CABIN1: variants seen among roughly 807,000 people sequenced by gnomAD.
CABIN1 encodes the protein calcineurin-binding protein cabin-1.
In CABIN1, 133 loss-of-function variants were observed where a neutral mutation model predicts 227.7. The observed-to-expected ratio is 0.58, with a 90% CI of 0.51 to 0.67. The LOEUF is 0.67. Ranked by LOEUF, CABIN1 falls within the 30% of genes least tolerant of loss-of-function variation. CABIN1 has a pLI of 0.00. For synonymous variants in CABIN1, 1,086 were observed against 1,155.1 expected (o/e 0.94, Z 1.21); for missense variants, 2,408 against 2,852.5 (o/e 0.84, Z 3.55).
rs147735820 is a variant in CABIN1, at chr22:24,032,329, G to A, written c.-74-3115G>A. ...AGCATGTGCTAGAGTTTCCTGCCTT[G>A]TTAAGTTTGAATAGTATTCTGTTGT... is the stretch of plus-strand genomic sequence containing the variant. On this transcript the variant is annotated intron_variant, in intron 1 of 36. Coordinates refer to ENST00000263119, the MANE Select transcript of CABIN1 (RefSeq NM_012295.4). 2.6e-5 allele frequency among the ~76,000 whole-genome samples: 4 copies of A among 152,302 alleles called. No homozygotes were observed. The East Asian group carries it at 5.8e-4, about 22-fold the overall frequency.
chr22:24,078,545 T>C (rs2040591117), intron 19 of CABIN1, among the ~76,000 whole-genome samples: 1 of 152,238 alleles, frequency 6.6e-6, no homozygotes. Context: ...GGAAATGTTC[T>C]CTGAGAGAAA....
chr22:24,135,338 C>T (rs537467662), intron 29 of CABIN1, among the ~76,000 whole-genome samples: 8 of 151,748 alleles, frequency 5.3e-5, no homozygotes, highest in Admixed American at 3.9e-4. Flanking sequence ...TGCAGTGAGC[C>T]GAGATGGTGC....
chr22:24,155,697 T>G, intron 29 of CABIN1: 1 of 261,606 alleles, frequency 3.8e-6, no homozygotes. Flanking sequence ...GGGGGCGCCA[T>G]TCACATAGGC....
intron 33 of CABIN1, among the ~76,000 whole-genome samples, chr22:24,171,385 A>T (rs1200142897): frequency 6.6e-6 from 1 of 152,124 alleles, no homozygotes; most frequent in Admixed American, 6.5e-5. Context: ...GCAGGACATA[A>T]TCCTCCCAGA....
At chr22:24,050,182 C>T (rs1316139127) in intron 7 of CABIN1, among the ~76,000 whole-genome samples, 1 of 152,220 alleles carries the variant, frequency 6.6e-6, no homozygotes, top group Non-Finnish European at 1.5e-5. Context: ...AAGGAACTAC[C>T]TGTTGGCAGA....
intron 12 of CABIN1, among the ~76,000 whole-genome samples, chr22:24,060,914 T>A (rs117447789): frequency 6.6e-6 from 1 of 151,876 alleles, no homozygotes; most frequent in African/African-American, 2.4e-5. Flanking sequence ...AAAAAAAAAT[T>A]TGTTTTGTTT....
chr22:24,139,497 C>T (rs564482489), intron 29 of CABIN1, among the ~76,000 whole-genome samples: 3 of 150,788 alleles, frequency 2.0e-5, no homozygotes, highest in African/African-American at 7.3e-5. Flanking sequence ...ACTCAGGAGG[C>T]GGAGGTTGTA....
intron 29 of CABIN1, among the ~76,000 whole-genome samples, chr22:24,146,821 C>T (rs2045147852): frequency 1.3e-5 from 2 of 152,232 alleles, no homozygotes; most frequent in African/African-American, 4.8e-5. Flanking sequence ...GGAAGATGAT[C>T]TTGTTAAGCC....
intron 20 of CABIN1, 49 bp downstream of exon 20, chr22:24,083,438 G>T: frequency 6.2e-7 from 1 of 1,605,564 alleles, no homozygotes; most frequent in Non-Finnish European, 8.5e-7. Flanking sequence ...GGAGCTGTAA[G>T]CTCTTTTGAA....
intron 29 of CABIN1, among the ~76,000 whole-genome samples, chr22:24,161,600 G>T (rs2046157923): frequency 6.6e-6 from 1 of 152,176 alleles, no homozygotes; most frequent in Non-Finnish European, 1.5e-5. Flanking sequence ...GATGCCGTGG[G>T]GGTGTTGGCC....
At chr22:24,036,220 C>T in intron 3 of CABIN1, 39 bp downstream of exon 3, 1 of 1,381,946 alleles carries the variant, frequency 7.2e-7, no homozygotes, top group Non-Finnish European at 1.0e-6. Flanking sequence ...TGGACCTTCT[C>T]ATTTCTATAG....
At chr22:24,176,671 A>T (rs1339650738) in intron 35 of CABIN1, among the ~76,000 whole-genome samples, 2 of 152,184 alleles carry the variant, frequency 1.3e-5, no homozygotes, top group African/African-American at 4.8e-5. Context: ...GAGGGACATC[A>T]GCAGCAGGCA....
At chr22:24,169,394 C>T (rs1569317360) in intron 33 of CABIN1, among the ~76,000 whole-genome samples, 2 of 152,166 alleles carry the variant, frequency 1.3e-5, no homozygotes, top group African/African-American at 4.8e-5. Context: ...GGGGTCCAGA[C>T]GGGCTTCCTT....
intron 9 of CABIN1, 41 bp downstream of exon 9, chr22:24,055,200 T>C (rs2038691885): frequency 2.5e-6 from 4 of 1,599,336 alleles, no homozygotes; most frequent in Non-Finnish European, 3.4e-6. Context: ...GGAGACCCCG[T>C]TCACTGAGCC....
intron 29 of CABIN1, among the ~76,000 whole-genome samples, chr22:24,146,410 G>A (rs764547359): frequency 5.3e-5 from 8 of 152,146 alleles, no homozygotes; most frequent in Non-Finnish European, 7.4e-5. Flanking sequence ...CACAGCTTCC[G>A]GCTTGCACAG....
chr22:24,072,310 A>G, intron 17 of CABIN1, 44 bp from the exon 18 acceptor site: 1 of 1,612,556 alleles, frequency 6.2e-7, no homozygotes, highest in Non-Finnish European at 8.5e-7. Context: ...CTGAAGGCTT[A>G]CCCTGCTGTG....
At chr22:24,079,317 G>T (rs1440415388) in intron 19 of CABIN1, among the ~76,000 whole-genome samples, 2 of 151,832 alleles carry the variant, frequency 1.3e-5, no homozygotes, top group Admixed American at 6.6e-5. Context: ...TGGCATTAAG[G>T]TTGTTTATCC....
chr22:24,176,564 C>T (rs1344786137), intron 35 of CABIN1, among the ~76,000 whole-genome samples: 1 of 152,134 alleles, frequency 6.6e-6, no homozygotes, highest in Non-Finnish European at 1.5e-5. Context: ...GGGCAGGCGG[C>T]CTGCTTGGGC....
At chr22:24,074,317 AAGAG>A (rs1029077786) in intron 18 of CABIN1, among the ~76,000 whole-genome samples, 18 of 152,318 alleles carry the variant, frequency 1.2e-4, no homozygotes, top group Non-Finnish European at 2.5e-4. Context: ...ACATCAAAGA[AAGAG>A]AGAGAGATTG....
Sources: allele counts gnomAD v4.1 joint callset (sites outside exome capture counted in the v4.1 genomes callset), GRCh38; gene constraint gnomAD v4.1.1; transcripts MANE v1.5; gene names NCBI Gene and HGNC (gene_info 2026-07-23, HGNC 2026-07-21).